Variants in SH3GL3 observed in about 807,000 individuals in gnomAD.
SH3GL3 encodes endophilin-A3.
Under a neutral mutation model 47.7 loss-of-function variants are expected in SH3GL3, and 33 were observed. The observed-to-expected ratio is 0.69, with a 90% CI of 0.52 to 0.92. The LOEUF is 0.92. Among genes scored for constraint, SH3GL3 ranks in the 40% least tolerant of loss-of-function variants. The probability of loss-of-function intolerance (pLI) is 0.00; values close to 1 mark genes in which losing one functional copy is unlikely to be tolerated. For missense variants in SH3GL3, 363 were observed against 417.8 expected (o/e 0.87, Z 1.14); for synonymous variants, 155 against 148.8 (o/e 1.04, Z -0.30).
intron 1 of SH3GL3, among the ~76,000 whole-genome samples, chr15:83,457,241 T>C (rs1258238740): frequency 1.3e-5 from 2 of 152,212 alleles, no homozygotes; most frequent in African/African-American, 4.8e-5. Flanking sequence ...ACCAGTTTCA[T>C]CTCTTCTCCT....
At chr15:83,597,235 A>G (rs2060257985) in intron 8 of SH3GL3, among the ~76,000 whole-genome samples, 2 of 152,272 alleles carry the variant, frequency 1.3e-5, no homozygotes, top group Admixed American at 6.5e-5. Context: ...AGCTGGTGGC[A>G]TGACATCTTC....
At chr15:83,601,948 CAAAAA>C (rs578253442) in intron 8 of SH3GL3, among the ~76,000 whole-genome samples, 1 of 114,912 alleles carries the variant, frequency 8.7e-6, no homozygotes, top group South Asian at 2.6e-4. Flanking sequence ...GTTTGTGTCT[CAAAAA>C]AAAAAAAAAC....
chr15:83,570,104 T>C (rs1338614769), intron 4 of SH3GL3, among the ~76,000 whole-genome samples: 2 of 152,228 alleles, frequency 1.3e-5, no homozygotes, highest in African/African-American at 4.8e-5. Flanking sequence ...GCAAATGATA[T>C]AAACGTTTAT....
chr15:83,565,985 C>G (rs1353900786), intron 3 of SH3GL3: 2 of 152,136 alleles, frequency 1.3e-5, no homozygotes, highest in African/African-American at 4.8e-5. Context: ...ATGATAATAG[C>G]TTTGAAAACC....
Position 83,566,365 on chromosome 15 carries a change from A to AGTGTGTGTGT in SH3GL3, c.187+1192_187+1201dup, listed in dbSNP as rs57323112. On this transcript the variant is annotated intron_variant, in intron 3 of 8. Transcript: ENST00000427482. ...GATGGGCAGAGAGAGAGAGAGAGAG[A>AGTGTGTGTGT]GTGTGTGTGTGTGTGTGTGTGTGTG... Among the ~76,000 whole-genome samples, 35 of 136,692 alleles carry AGTGTGTGTGT rather than the reference A, an allele frequency of 2.6e-4. 1 individual carries two copies. In the South Asian group the frequency reaches 3.1e-3, roughly 12 times the overall value. The allele number at this position is 136,692 out of a possible 152,430, so 89.7% of individuals were successfully genotyped here.
chr15:83,633,805 C>T, the SH3GL3 span, among the ~76,000 whole-genome samples: 1 of 152,074 alleles, frequency 6.6e-6, no homozygotes, highest in Non-Finnish European at 1.5e-5. Context: ...ATAAAAGTTA[C>T]TTTCTTTATA....
intron 8 of SH3GL3, among the ~76,000 whole-genome samples, chr15:83,603,148 C>T (rs1463932043): frequency 2.0e-5 from 3 of 152,036 alleles, no homozygotes; most frequent in South Asian, 4.1e-4. Flanking sequence ...TATAGGCATG[C>T]ACCACCACGC....
the SH3GL3 span, among the ~76,000 whole-genome samples, chr15:83,628,933 C>T: frequency 6.6e-6 from 1 of 152,000 alleles, no homozygotes; most frequent in East Asian, 1.9e-4. Flanking sequence ...AATTATGTTT[C>T]TATGTACCAG....
At chr15:83,507,494 C>T (rs2042564047) in intron 1 of SH3GL3, among the ~76,000 whole-genome samples, 1 of 151,854 alleles carries the variant, frequency 6.6e-6, no homozygotes, top group Non-Finnish European at 1.5e-5. Context: ...CAGCTCACTG[C>T]AACCCTGCCT....
At chr15:83,571,608 G>A (rs771640696) in intron 4 of SH3GL3, among the ~76,000 whole-genome samples, 2 of 151,820 alleles carry the variant, frequency 1.3e-5, no homozygotes, top group Non-Finnish European at 2.9e-5. Context: ...TGAGGCACAT[G>A]TTGCCATCTC....
intron 8 of SH3GL3, among the ~76,000 whole-genome samples, chr15:83,606,616 ATAT>A (rs1257895131): frequency 2.6e-5 from 4 of 152,130 alleles, no homozygotes; most frequent in African/African-American, 9.7e-5. Context: ...CCATTTCTAT[ATAT>A]TATAAGTAGT....
downstream of SH3GL3, among the ~76,000 whole-genome samples, chr15:83,619,857 T>C (rs1177159229): frequency 6.6e-6 from 1 of 152,208 alleles, no homozygotes; most frequent in East Asian, 1.9e-4. Context: ...TCACAAAAGA[T>C]TTCTCTGTCA....
chr15:83,460,341 A>G (rs1449660243), intron 1 of SH3GL3, among the ~76,000 whole-genome samples: 3 of 151,962 alleles, frequency 2.0e-5, no homozygotes, highest in East Asian at 3.9e-4. Context: ...TCTAAAAGCC[A>G]TGCATTCCAC....
At chr15:83,586,061 A>AGT (rs1165150674) in intron 6 of SH3GL3, among the ~76,000 whole-genome samples, 1 of 152,192 alleles carries the variant, frequency 6.6e-6, no homozygotes, top group African/African-American at 2.4e-5. Context: ...AAGCCTGGGA[A>AGT]GTGTAGGATT....
At chr15:83,535,047 A>G (rs2043845456) in intron 1 of SH3GL3, among the ~76,000 whole-genome samples, 1 of 152,180 alleles carries the variant, frequency 6.6e-6, no homozygotes, top group South Asian at 2.1e-4. Flanking sequence ...AAAATTTGGT[A>G]ATATTTTACA....
At chr15:83,510,733 CA>C (rs2151628723) in intron 1 of SH3GL3, among the ~76,000 whole-genome samples, 1 of 152,038 alleles carries the variant, frequency 6.6e-6, no homozygotes, top group Non-Finnish European at 1.5e-5. Flanking sequence ...TAAAAGGGTC[CA>C]TGAAGCAGCT....
intron 1 of SH3GL3, among the ~76,000 whole-genome samples, chr15:83,481,742 G>A (rs1184160399): frequency 6.6e-6 from 1 of 152,194 alleles, no homozygotes; most frequent in Non-Finnish European, 1.5e-5. Context: ...CTTTTGACAT[G>A]TGCAGAGAAA....
chr15:83,497,238 G>A (rs1034639660), intron 1 of SH3GL3, among the ~76,000 whole-genome samples: 3 of 152,166 alleles, frequency 2.0e-5, no homozygotes, highest in East Asian at 1.9e-4. Context: ...CCAAGACCCC[G>A]TGGTAGTAGT....
chr15:83,603,606 C>T (rs1046302718), intron 8 of SH3GL3, among the ~76,000 whole-genome samples: 1 of 152,156 alleles, frequency 6.6e-6, no homozygotes, highest in Non-Finnish European at 1.5e-5. Flanking sequence ...GGTACAGAAA[C>T]AGTTTGCTTT....
Sources: allele counts gnomAD v4.1 joint callset (sites outside exome capture counted in the v4.1 genomes callset), GRCh38; gene constraint gnomAD v4.1.1; transcripts MANE v1.5; gene names NCBI Gene and HGNC (gene_info 2026-07-23, HGNC 2026-07-21).